Variants in RFX7 observed in about 807,000 individuals in gnomAD.
RFX7 encodes the protein regulatory factor X7.
RFX7 carries 26 observed loss-of-function variants against 111.8 expected under a neutral mutation model. That is an observed-to-expected ratio of 0.23 (90% CI 0.17 to 0.32). RFX7 has a LOEUF of 0.32. Ranked by LOEUF, RFX7 falls within the 10% of genes least tolerant of loss-of-function variation. The pLI is 1.00. For missense variants in RFX7, 1,573 were observed against 1,772.9 expected (o/e 0.89, Z 2.02); for synonymous variants, 624 against 624.4 (o/e 1.00, Z 0.01).
intron 8 of RFX7, among the ~76,000 whole-genome samples, chr15:56,099,068 C>G (rs2041719297): frequency 1.3e-5 from 2 of 151,682 alleles, no homozygotes; most frequent in African/African-American, 4.8e-5. Context: ...AAAAAATTGA[C>G]AAAATAAGCA....
intron 3 of RFX7, among the ~76,000 whole-genome samples, chr15:56,176,447 A>G (rs2042903560): frequency 6.6e-6 from 1 of 152,186 alleles, no homozygotes; most frequent in South Asian, 2.1e-4. Flanking sequence ...TACCAACAAA[A>G]GAAAACTTAC....
At chr15:56,150,025 G>C (rs552758048) in intron 3 of RFX7, among the ~76,000 whole-genome samples, 1 of 151,696 alleles carries the variant, frequency 6.6e-6, no homozygotes, top group Non-Finnish European at 1.5e-5. Context: ...GACCTTGGTC[G>C]GGGGGTTGCG....
intron 2 of RFX7, among the ~76,000 whole-genome samples, chr15:56,185,920 T>C (rs1333472454): frequency 2.0e-5 from 3 of 152,206 alleles, no homozygotes; most frequent in Non-Finnish European, 4.4e-5. Context: ...TTCACAAAGA[T>C]TATTTTTCAG....
chr15:56,111,153 A>C (rs2041924558), intron 5 of RFX7, among the ~76,000 whole-genome samples: 1 of 141,492 alleles, frequency 7.1e-6, no homozygotes, highest in African/African-American at 2.6e-5. Flanking sequence ...GGTTTACCCA[A>C]CAGCTCATTG....
intron 2 of RFX7, among the ~76,000 whole-genome samples, chr15:56,211,680 A>G (rs2043314304): frequency 6.6e-6 from 1 of 152,132 alleles, no homozygotes; most frequent in South Asian, 2.1e-4. Context: ...AAAATACAGA[A>G]AGATTCTTAT....
chr15:56,181,963 T>C (rs1176848358), intron 2 of RFX7, among the ~76,000 whole-genome samples: 1 of 152,052 alleles, frequency 6.6e-6, no homozygotes, highest in African/African-American at 2.4e-5. Flanking sequence ...TGAACCCTAT[T>C]GTGAACTGTG....
intron 2 of RFX7, among the ~76,000 whole-genome samples, chr15:56,240,427 TTGAA>T (rs1304097858): frequency 2.0e-5 from 3 of 152,294 alleles, no homozygotes; most frequent in South Asian, 4.1e-4. Flanking sequence ...CCACTCAACT[TTGAA>T]TGCTTTTTTT....
At chr15:56,136,556 C>T (rs2042305784) in intron 5 of RFX7, among the ~76,000 whole-genome samples, 1 of 146,722 alleles carries the variant, frequency 6.8e-6, no homozygotes, top group South Asian at 2.2e-4. Flanking sequence ...ATCATGTCGT[C>T]TGCAAACAGG....
At chr15:56,187,236 A>T (rs1595996119) in intron 2 of RFX7, among the ~76,000 whole-genome samples, 1 of 147,790 alleles carries the variant, frequency 6.8e-6, no homozygotes, top group African/African-American at 2.5e-5. Flanking sequence ...TTTTAGATGG[A>T]GTCTTGCTCT....
chr15:56,188,237 G>T (rs1254702845), intron 2 of RFX7, among the ~76,000 whole-genome samples: 1 of 152,086 alleles, frequency 6.6e-6, no homozygotes, highest in African/African-American at 2.4e-5. Context: ...CACTTAACTG[G>T]AAAATCAATA....
Position 56,098,091 on chromosome 15 carries a change from C to G in RFX7, c.1097G>C (p.Ser366Thr), listed in dbSNP as rs1357127718. The G allele has an allele frequency of 7.4e-6, 12 of 1,613,524 alleles. No individual in the cohort carries two copies. The highest frequency in any genetic ancestry group is 1.0e-5 in the Non-Finnish European group (12 of 1,179,686). The change falls in exon 9 of 10, where the codon AGT becomes ACT. Residue 366 changes from serine to threonine, a missense_variant. By Grantham distance (58) the Ser-to-Thr change is moderately conservative. This residue lies in a region of RFX7 where 288 missense variants were observed against 337.9 expected (regional missense o/e 0.85). Transcript: ENST00000559447. ...PIGIVVAAVP[S>T]PIPVQRTRQL... ...ATTTAATTATATTACCGGAATGGGA[C>G]TAGGGACAGCTGCCACAACGATACC...
At chr15:56,226,708 G>A (rs1310473053) in intron 2 of RFX7, among the ~76,000 whole-genome samples, 1 of 152,152 alleles carries the variant, frequency 6.6e-6, no homozygotes, top group Non-Finnish European at 1.5e-5. Flanking sequence ...GATAAGACCT[G>A]CTATTTAATA....
chr15:56,114,020 T>G (rs1442397049), intron 5 of RFX7, among the ~76,000 whole-genome samples: 2 of 152,300 alleles, frequency 1.3e-5, no homozygotes, highest in African/African-American at 4.8e-5. Flanking sequence ...GAAAAGTTGT[T>G]GTAATCCTCC....
intron 5 of RFX7, among the ~76,000 whole-genome samples, chr15:56,126,096 AT>A (rs1432941346): frequency 6.6e-6 from 1 of 152,140 alleles, no homozygotes; most frequent in Non-Finnish European, 1.5e-5. Flanking sequence ...ATTTCAGTTA[AT>A]TTTTGAATAA....
intron 3 of RFX7, among the ~76,000 whole-genome samples, chr15:56,166,988 C>T (rs2042790697): frequency 2.0e-5 from 3 of 152,156 alleles, no homozygotes; most frequent in Non-Finnish European, 4.4e-5. Context: ...ATTACTATTT[C>T]CCATCCTCCT....
At chr15:56,125,641 G>C (rs1427657622) in intron 5 of RFX7, among the ~76,000 whole-genome samples, 2 of 149,322 alleles carry the variant, frequency 1.3e-5, no homozygotes, top group Non-Finnish European at 3.0e-5. Flanking sequence ...GTGTGTGTGT[G>C]TGTGTATGTG....
intron 3 of RFX7, among the ~76,000 whole-genome samples, chr15:56,155,801 C>T (rs1281092108): frequency 6.6e-6 from 1 of 150,852 alleles, no homozygotes; most frequent in Non-Finnish European, 1.5e-5. Context: ...GTCTCCTCCC[C>T]ATAATAAAAA....
intron 3 of RFX7, among the ~76,000 whole-genome samples, chr15:56,173,517 A>G (rs1325151999): frequency 1.3e-5 from 2 of 152,252 alleles, no homozygotes; most frequent in East Asian, 3.8e-4. Flanking sequence ...ACAGTGGCTT[A>G]CGCCTGTAAT....
In RFX7 at chr15:56,090,008, C is replaced by G. The variant is rs1327086763; in HGVS notation, c.*3337G>C. ...GTTTCAAGAGTGAGGAAACTCCATT[C>G]AAGACCCTGGTTTCATTACTTTGCA... On this transcript the variant is annotated 3_prime_UTR_variant, in exon 10 of 10. Transcript: ENST00000559447. 3 of 152,170 alleles carry G rather than the reference C, an allele frequency of 2.0e-5. No homozygotes were observed. Among genetic ancestry groups the G allele is most frequent in the African/African-American group, 7.2e-5 (3 of 41,446 alleles). 9.4% of individuals were successfully genotyped at this position (152,170 alleles called of 1,614,324 possible).
Sources: gnomAD v4.1 joint callset for allele counts (sites outside exome capture counted in the v4.1 genomes callset) on GRCh38, gnomAD v4.1.1 for gene constraint, gnomAD v4.1.1 regional missense constraint, MANE v1.5 for transcripts, NCBI Gene and HGNC (gene_info 2026-07-23, HGNC 2026-07-21) for gene names.